NLGN1: variants seen among roughly 807,000 people sequenced by gnomAD.
NLGN1 encodes neuroligin 1, also known as neuroligin-1.
Under a neutral mutation model 65.5 loss-of-function variants are expected in NLGN1, and 12 were observed. The observed-to-expected ratio is 0.18, with a 90% CI of 0.12 to 0.30. The LOEUF is 0.30. Among genes scored for constraint, NLGN1 ranks in the 10% least tolerant of loss-of-function variants. The probability of loss-of-function intolerance (pLI) is 1.00; values close to 1 mark genes in which losing one functional copy is unlikely to be tolerated. For synonymous variants in NLGN1, 350 were observed against 359.5 expected (o/e 0.97, Z 0.30); for missense variants, 750 against 1,007.1 (o/e 0.74, Z 3.46).
chr3:173,428,358 T>G (rs937261637), intron 1 of NLGN1, among the ~76,000 whole-genome samples: 3 of 151,962 alleles, frequency 2.0e-5, no homozygotes, highest in African/African-American at 7.2e-5. Flanking sequence ...CTCCCTTTTT[T>G]TCTTTTCTAC....
chr3:173,722,475 C>G (rs949695173), intron 3 of NLGN1, among the ~76,000 whole-genome samples: 1 of 151,998 alleles, frequency 6.6e-6, no homozygotes, highest in African/African-American at 2.4e-5. Context: ...CTCCTCACCT[C>G]GTGATGTGCC....
intron 2 of NLGN1, among the ~76,000 whole-genome samples, chr3:173,451,133 G>A (rs1000687816): frequency 1.3e-5 from 2 of 152,140 alleles, no homozygotes; most frequent in South Asian, 2.1e-4. Context: ...AGGAGGAGAG[G>A]CGCTCTGATT....
intron 3 of NLGN1, among the ~76,000 whole-genome samples, chr3:173,766,562 G>A (rs539986849): frequency 3.9e-5 from 6 of 152,048 alleles, no homozygotes; most frequent in South Asian, 2.1e-4. Flanking sequence ...GTCATCTTAC[G>A]TACATTCTTC....
intron 4 of NLGN1, among the ~76,000 whole-genome samples, chr3:174,129,789 A>C (rs1719779919): frequency 6.6e-6 from 1 of 152,252 alleles, no homozygotes; most frequent in East Asian, 1.9e-4. Context: ...CTTATAAAAT[A>C]AGATACCTAA....
chr3:173,768,333 AG>A (rs1209594899), intron 3 of NLGN1, among the ~76,000 whole-genome samples: 4 of 152,150 alleles, frequency 2.6e-5, no homozygotes, highest in African/African-American at 9.7e-5. Context: ...CTCAGTTGTC[AG>A]TTGCTTGAGA....
intron 4 of NLGN1, among the ~76,000 whole-genome samples, chr3:174,060,896 A>T (rs577350785): frequency 1.9e-4 from 29 of 152,076 alleles, no homozygotes; most frequent in Non-Finnish European, 3.1e-4. Context: ...AGAATCTCTT[A>T]GCCACTTATA....
At chr3:174,264,776 C>T (rs1431697713) in intron 4 of NLGN1, among the ~76,000 whole-genome samples, 1 of 151,924 alleles carries the variant, frequency 6.6e-6, no homozygotes, top group Non-Finnish European at 1.5e-5. Flanking sequence ...TTAGAGTTTC[C>T]AGTTTTTCTG....
chr3:173,486,166 T>C (rs1728145392), intron 2 of NLGN1, among the ~76,000 whole-genome samples: 1 of 152,172 alleles, frequency 6.6e-6, no homozygotes, highest in Non-Finnish European at 1.5e-5. Flanking sequence ...TGCCTCAGCC[T>C]CCTGAGTAGC....
chr3:173,686,759 C>T (rs1182902136), intron 3 of NLGN1, among the ~76,000 whole-genome samples: 1 of 152,050 alleles, frequency 6.6e-6, no homozygotes, highest in African/African-American at 2.4e-5. Flanking sequence ...TCAAGACCAG[C>T]CTGGCCAACA....
chr3:173,665,933 C>T (rs904522522), intron 3 of NLGN1, among the ~76,000 whole-genome samples: 8 of 151,950 alleles, frequency 5.3e-5, no homozygotes, highest in East Asian at 1.9e-4. Context: ...TTAGTGCTTC[C>T]AAAATGCATT....
intron 4 of NLGN1, among the ~76,000 whole-genome samples, chr3:173,894,201 TATC>T (rs1240511908): frequency 1.3e-5 from 2 of 152,286 alleles, no homozygotes; most frequent in Non-Finnish European, 2.9e-5. Flanking sequence ...CAATTATTAT[TATC>T]ATCATCAACA....
At chr3:173,898,975 G>C (rs1736843131) in intron 4 of NLGN1, among the ~76,000 whole-genome samples, 1 of 152,086 alleles carries the variant, frequency 6.6e-6, no homozygotes, top group Non-Finnish European at 1.5e-5. Context: ...CTGGGGTAAG[G>C]AGTTAGAGTT....
intron 4 of NLGN1, among the ~76,000 whole-genome samples, chr3:174,230,627 G>T (rs1027261608): frequency 6.6e-6 from 1 of 152,120 alleles, no homozygotes; most frequent in East Asian, 1.9e-4. Flanking sequence ...TTGGTCTAAT[G>T]TACAGAAATA....
intron 2 of NLGN1, among the ~76,000 whole-genome samples, chr3:173,474,688 A>G (rs13076877): frequency 0.65 from 99,375 of 152,090 alleles, 34,088 homozygotes; most frequent in East Asian, 0.91. Context: ...GGCTGGGTGC[A>G]GTTGCTCACA....
intron 4 of NLGN1, among the ~76,000 whole-genome samples, chr3:174,048,659 C>T (rs1439456598): frequency 1.3e-5 from 2 of 151,276 alleles, no homozygotes; most frequent in East Asian, 1.9e-4. Context: ...GTAAGAGTCA[C>T]GAAATGAAAG....
intron 4 of NLGN1, among the ~76,000 whole-genome samples, chr3:174,174,878 C>A (rs1729164522): frequency 6.6e-6 from 1 of 151,794 alleles, no homozygotes; most frequent in South Asian, 2.1e-4. Context: ...AGAAATTTTT[C>A]AATTTCCTTC....
chr3:174,283,756 T>C (rs938033015), exon 7 of NLGN1: 4 of 151,498 alleles, frequency 2.6e-5, no homozygotes, highest in African/African-American at 9.7e-5. Context: ...TCCAGAGTGA[T>C]CTACATACAG....
At chr3:173,788,530 T>G (rs1711815206) in intron 3 of NLGN1, among the ~76,000 whole-genome samples, 1 of 152,012 alleles carries the variant, frequency 6.6e-6, no homozygotes, top group African/African-American at 2.4e-5. Flanking sequence ...TCATAAATGA[T>G]CCTATGAAAT....
chr3:173,847,329 A>G (rs2861593), intron 4 of NLGN1, among the ~76,000 whole-genome samples: 84,412 of 152,022 alleles, frequency 0.56, 25,587 homozygotes, highest in Non-Finnish European at 0.69. Flanking sequence ...TACATTACTT[A>G]GATCTCTCAA....
Sources: allele counts gnomAD v4.1 joint callset (sites outside exome capture counted in the v4.1 genomes callset), GRCh38; gene constraint gnomAD v4.1.1; transcripts MANE v1.5; gene names NCBI Gene and HGNC (gene_info 2026-07-23, HGNC 2026-07-21).